CDKAL1: variants seen among roughly 807,000 people sequenced by gnomAD.
The protein encoded by CDKAL1 is threonylcarbamoyladenosine tRNA methylthiotransferase.
A neutral mutation model predicts 68.2 loss-of-function variants in CDKAL1; 32 were observed. The ratio of observed to expected loss-of-function variants is 0.47; its 90% CI spans 0.35 to 0.63. The LOEUF (loss-of-function observed/expected upper bound fraction) is 0.63, where lower values mean the gene tolerates loss of function less well. Among genes scored for constraint, CDKAL1 ranks in the 30% least tolerant of loss-of-function variants. The pLI is 0.00. For synonymous variants in CDKAL1, 234 were observed against 244.3 expected (o/e 0.96, Z 0.39); for missense variants, 606 against 696.7 (o/e 0.87, Z 1.47).
At chr6:21,162,953 A>G (rs1776986314) in intron 13 of CDKAL1, among the ~76,000 whole-genome samples, 1 of 152,084 alleles carries the variant, frequency 6.6e-6, no homozygotes, top group Non-Finnish European at 1.5e-5. Context: ...GAAGAAAGAA[A>G]GGAAGGAAAG....
intron 13 of CDKAL1, among the ~76,000 whole-genome samples, chr6:21,146,995 G>A (rs1776205585): frequency 6.6e-6 from 1 of 151,872 alleles, no homozygotes; most frequent in Non-Finnish European, 1.5e-5. Context: ...TTGGAAGCCT[G>A]CACGTGTCCA....
In CDKAL1 at chr6:20,649,370, T is replaced by A. The variant is rs746374354; in HGVS notation, c.364T>A (p.Ser122Thr). 5.1e-6 allele frequency: 8 copies of A among 1,574,450 alleles called. No homozygotes were observed. The highest frequency in any genetic ancestry group is 4.6e-5 in the South Asian group (4 of 87,440). ...KNPAEDHFRNSIKKAQEENKK... is the reference protein window; with the variant it reads ...KNPAEDHFRNTIKKAQEENKK... ...CCCAGCTGAAGACCACTTTAGAAAC[T>A]CAATTAAGTAAGTAGAAATTGATTT... is the stretch of plus-strand genomic sequence containing the variant. The change falls in exon 5 of 16, where the codon TCA (serine) becomes ACA (threonine). Residue 122 changes from serine (S) to threonine (T), a missense_variant. By Grantham distance (58) the Ser-to-Thr change is moderately conservative. Coordinates refer to ENST00000274695, the MANE Select transcript of CDKAL1 (RefSeq NM_017774.3).
intron 13 of CDKAL1, among the ~76,000 whole-genome samples, chr6:21,114,120 C>T (rs1200069533): frequency 6.6e-6 from 1 of 151,318 alleles, no homozygotes; most frequent in East Asian, 2.0e-4. Context: ...TGGTGGCCGG[C>T]GCCTGTAGTC....
chr6:20,997,369 G>A (rs1767176136), intron 10 of CDKAL1, among the ~76,000 whole-genome samples: 1 of 152,144 alleles, frequency 6.6e-6, no homozygotes, highest in Non-Finnish European at 1.5e-5. Flanking sequence ...TCTCCTTGGG[G>A]ACATTAATCT....
intron 9 of CDKAL1, among the ~76,000 whole-genome samples, chr6:20,939,191 A>G (rs1452808238): frequency 2.6e-5 from 4 of 152,186 alleles, no homozygotes; most frequent in Non-Finnish European, 5.9e-5. Context: ...CACAGTAAAC[A>G]TAATTAGAAG....
chr6:20,583,649 C>T (rs1765225725), intron 4 of CDKAL1, among the ~76,000 whole-genome samples: 1 of 151,312 alleles, frequency 6.6e-6, no homozygotes. Context: ...TGGCAGGTGG[C>T]AGAGTTGAAA....
At chr6:20,797,930 C>T (rs1465910714) in intron 8 of CDKAL1, among the ~76,000 whole-genome samples, 3 of 151,864 alleles carry the variant, frequency 2.0e-5, no homozygotes, top group East Asian at 3.9e-4. Flanking sequence ...AATCTTCCCA[C>T]CTCAGCCCCC....
intron 10 of CDKAL1, among the ~76,000 whole-genome samples, chr6:20,997,891 A>T (rs1178425017): frequency 6.6e-6 from 1 of 152,194 alleles, no homozygotes; most frequent in Non-Finnish European, 1.5e-5. Flanking sequence ...TACCAAAAGA[A>T]AAAAAATAAA....
At chr6:20,717,210 G>C (rs1562049196) in intron 5 of CDKAL1, among the ~76,000 whole-genome samples, 1 of 151,986 alleles carries the variant, frequency 6.6e-6, no homozygotes, top group Non-Finnish European at 1.5e-5. Context: ...TTGCTATAAA[G>C]GGAAGCAGAA....
chr6:20,814,873 C>G (rs1291008933), intron 8 of CDKAL1, among the ~76,000 whole-genome samples: 7 of 152,124 alleles, frequency 4.6e-5, no homozygotes, highest in Admixed American at 4.6e-4. Context: ...TTTTCACTGA[C>G]TTAGTGTTAA....
At chr6:21,211,028 T>C (rs1779129416) in intron 15 of CDKAL1, among the ~76,000 whole-genome samples, 1 of 152,228 alleles carries the variant, frequency 6.6e-6, no homozygotes, top group Admixed American at 6.5e-5. Flanking sequence ...GTCTCACATT[T>C]ACACCCTGGG....
In CDKAL1 at chr6:21,134,141, G is replaced by GA. The variant is rs113453448; in HGVS notation, c.1299+25686dup. ...GTCCCCTGCTGTGTGATAATGTCGA[G>GA]AAAAAAAAGAGGGGCCAGCAGAGGC... On this transcript the variant is annotated intron_variant, in intron 13 of 15. Coordinates refer to ENST00000274695, the MANE Select transcript of CDKAL1 (RefSeq NM_017774.3). 1.3e-3 allele frequency among the ~76,000 whole-genome samples: 197 copies of GA among 151,792 alleles called. 1 individual carries two copies. The highest frequency in any genetic ancestry group is 4.3e-3 in the African/African-American group (179 of 41,428).
chr6:20,927,071 T>C (rs1763222774), intron 9 of CDKAL1, among the ~76,000 whole-genome samples: 1 of 152,078 alleles, frequency 6.6e-6, no homozygotes, highest in African/African-American at 2.4e-5. Flanking sequence ...AAGTTAGTAA[T>C]GCTGCTCATA....
intron 12 of CDKAL1, among the ~76,000 whole-genome samples, chr6:21,067,224 C>T (rs1250243277): frequency 2.6e-5 from 4 of 152,172 alleles, no homozygotes; most frequent in African/African-American, 9.7e-5. Flanking sequence ...CAAAGGAAGC[C>T]ACCATGCCTT....
intron 15 of CDKAL1, among the ~76,000 whole-genome samples, chr6:21,217,811 C>T (rs749306662): frequency 2.2e-4 from 33 of 152,186 alleles, no homozygotes; most frequent in South Asian, 8.3e-4. Flanking sequence ...TTTGCAGAGA[C>T]GGGAACTCGC....
chr6:20,973,582 A>G (rs181650881), intron 10 of CDKAL1, among the ~76,000 whole-genome samples: 4 of 152,260 alleles, frequency 2.6e-5, no homozygotes, highest in Admixed American at 2.6e-4. Flanking sequence ...GATCCAACAT[A>G]GGATCATAAG....
chr6:20,665,033 T>A lies in CDKAL1; in HGVS notation c.371+15656T>A, dbSNP rs866310110. The stretch of plus-strand genomic sequence containing the variant: ...AGGGGAGCACATATGCAGCTGAGAC[T>A]CTGGGTCTTGGGCAGAAGTTGTGCT... On this transcript the variant is annotated intron_variant, in intron 5 of 15. Transcript: ENST00000274695. Among the ~76,000 whole-genome samples the A allele has an allele frequency of 2.6e-5, 4 of 152,150 alleles. 1 individual carries two copies. Among genetic ancestry groups the A allele is most frequent in the Middle Eastern group, 3.4e-3 (1 of 294 alleles).
intron 9 of CDKAL1, among the ~76,000 whole-genome samples, chr6:20,865,140 A>G (rs1394251839): frequency 6.6e-6 from 1 of 152,140 alleles, no homozygotes; most frequent in Non-Finnish European, 1.5e-5. Flanking sequence ...TGAAGCACAG[A>G]GAGGTTACGC....
chr6:20,694,503 T>C (rs916103828), intron 5 of CDKAL1, among the ~76,000 whole-genome samples: 3 of 152,154 alleles, frequency 2.0e-5, no homozygotes, highest in Non-Finnish European at 4.4e-5. Flanking sequence ...GCTTGCATAT[T>C]GTCCATGTCT....
Sources: gnomAD v4.1 joint callset for allele counts (sites outside exome capture counted in the v4.1 genomes callset) on GRCh38, gnomAD v4.1.1 for gene constraint, MANE v1.5 for transcripts, NCBI Gene and HGNC (gene_info 2026-07-23, HGNC 2026-07-21) for gene names.